The following PEX5L variants were observed in gnomAD, a reference collection of about 807,000 sequenced individuals.
PEX5L encodes the protein PEX5-related protein.
Under a neutral mutation model 84.0 loss-of-function variants are expected in PEX5L, and 30 were observed. The ratio of observed to expected loss-of-function variants is 0.36; its 90% CI spans 0.27 to 0.48. PEX5L has a LOEUF of 0.48. Ranked by LOEUF, PEX5L falls within the 20% of genes least tolerant of loss-of-function variation. The pLI is 0.99. For synonymous variants in PEX5L, 270 were observed against 283.1 expected, an observed-to-expected ratio of 0.95 and a Z score of 0.46; for missense variants, 533 against 754.6, an observed-to-expected ratio of 0.71 and a Z score of 3.44.
intron 8 of PEX5L, among the ~76,000 whole-genome samples, chr3:179,828,157 C>T (rs1388059410): frequency 1.3e-5 from 2 of 152,118 alleles, no homozygotes; most frequent in Non-Finnish European, 2.9e-5. Context: ...CACTGATACC[C>T]ACCCTTCTTT....
At chr3:179,830,774 G>C (rs1732544297) in intron 8 of PEX5L, among the ~76,000 whole-genome samples, 1 of 152,222 alleles carries the variant, frequency 6.6e-6, no homozygotes, top group South Asian at 2.1e-4. Flanking sequence ...AAAACAAAGA[G>C]AGGCTCCCCA....
intron 1 of PEX5L, among the ~76,000 whole-genome samples, chr3:179,999,963 T>A (rs939510990): frequency 6.6e-6 from 1 of 152,148 alleles, no homozygotes; most frequent in Non-Finnish European, 1.5e-5. Context: ...CAGAAGGCCA[T>A]GTATGCTCTG....
chr3:179,813,166 G>A (rs1472027574), intron 10 of PEX5L, among the ~76,000 whole-genome samples: 2 of 152,058 alleles, frequency 1.3e-5, no homozygotes, highest in African/African-American at 2.4e-5. Flanking sequence ...GTCTTTCTCT[G>A]GGGACGTTTT....
At chr3:179,977,554 A>G (rs1444298216) in intron 1 of PEX5L, among the ~76,000 whole-genome samples, 1 of 152,194 alleles carries the variant, frequency 6.6e-6, no homozygotes, top group African/African-American at 2.4e-5. Context: ...TGTGGCAGCC[A>G]AAGAGGCAAT....
At chr3:179,949,353 T>C (rs1278802562) in intron 2 of PEX5L, among the ~76,000 whole-genome samples, 2 of 152,230 alleles carry the variant, frequency 1.3e-5, no homozygotes, top group African/African-American at 2.4e-5. Flanking sequence ...CAAGTTTTTG[T>C]CTTGCCTTTG....
At chr3:179,956,011 C>T (rs9843042) in intron 2 of PEX5L, among the ~76,000 whole-genome samples, 109,670 of 151,994 alleles carry the variant, frequency 0.72, 40,265 homozygotes, top group East Asian at 0.89. Flanking sequence ...TCCTTACAGA[C>T]GATACCATCT....
intron 8 of PEX5L, among the ~76,000 whole-genome samples, chr3:179,849,854 A>G (rs947926906): frequency 2.3e-4 from 35 of 152,222 alleles, no homozygotes; most frequent in Non-Finnish European, 2.1e-4. Flanking sequence ...TTTAAAGTTA[A>G]GGGAATTTTC....
At chr3:179,959,967 C>T (rs1781601269) in intron 2 of PEX5L, among the ~76,000 whole-genome samples, 1 of 152,220 alleles carries the variant, frequency 6.6e-6, no homozygotes, top group African/African-American at 2.4e-5. Flanking sequence ...ATAAATTTCT[C>T]CAAGTAATAG....
At chr3:179,820,028 T>C (rs1271270215) in intron 8 of PEX5L, 52 bp from the exon 9 acceptor site, 2 of 1,610,644 alleles carry the variant, frequency 1.2e-6, no homozygotes, top group Non-Finnish European at 1.7e-6. Context: ...TGCCACATCA[T>C]CTGTGTTTTT....
intron 14 of PEX5L, 22 bp from the exon 15 acceptor site, chr3:179,802,054 T>G (rs1337460027): frequency 6.6e-7 from 1 of 1,523,552 alleles, no homozygotes; most frequent in South Asian, 1.1e-5. Flanking sequence ...GAAAAACATA[T>G]TTTAAAATGA....
Position 179,796,239 on chromosome 3 carries a change from ATTGTTG to A in PEX5L, c.*5583_*5588del, listed in dbSNP as rs34344928. 2.6e-5 allele frequency: 4 copies of A among 151,340 alleles called. No individual in the cohort carries two copies. Among genetic ancestry groups the A allele is most frequent in the African/African-American group, 9.7e-5 (4 of 41,242 alleles). The allele number at this position is 151,340 out of a possible 1,614,324, so 9.4% of individuals were successfully genotyped here. On this transcript the variant is annotated 3_prime_UTR_variant, in exon 15 of 15. Coordinates refer to ENST00000467460, the MANE Select transcript of PEX5L (RefSeq NM_016559.3). Reference sequence around the variant, plus strand: ...TTATAGTTGAGCAAAGAACTGCCTAATTGTTGTTGTTGTTTCCATCTTAATATTATT... The same window carrying A: ...TTATAGTTGAGCAAAGAACTGCCTAATTGTTGTTTCCATCTTAATATTATT...
At position 180,036,875 on chromosome 3, in the gene PEX5L, G is replaced by A; in HGVS notation, c.-276C>T. 1 of 537,682 alleles carries A rather than the reference G, an allele frequency of 1.9e-6. No individual in the cohort carries two copies. Among genetic ancestry groups the A allele is most frequent in the South Asian group, 2.2e-5 (1 of 46,224 alleles). The allele number at this position is 537,682 out of a possible 1,614,324, so 33.3% of individuals were successfully genotyped here. A position where few individuals can be genotyped will look rare whatever the true frequency, so the allele number is the denominator to read the frequency against. The stretch of plus-strand genomic sequence containing the variant: ...TCGGCCAGGCTCTCCTGCAGGCGCG[G>A]GTCCTGCTCGCGGGGCGTCTCTAGA... On this transcript the variant is annotated 5_prime_UTR_variant, in exon 1 of 15. Coordinates refer to ENST00000467460, the MANE Select transcript of PEX5L (RefSeq NM_016559.3).
Position 179,977,745 on chromosome 3 carries a change from G to A in PEX5L, c.22-6080C>T, listed in dbSNP as rs183061641. ...TGTTTAATTTTTCTTAGGTATGGGGGAGATCAATTTTCTGAAGGGAAATTA... is the reference window on the plus strand; with the variant it reads ...TGTTTAATTTTTCTTAGGTATGGGGAAGATCAATTTTCTGAAGGGAAATTA... On this transcript the variant is annotated intron_variant, in intron 1 of 14. Transcript: ENST00000467460. Among the ~76,000 whole-genome samples, 246 of 152,288 alleles carry A rather than the reference G, an allele frequency of 1.6e-3. 3 individuals are homozygous for A. Among genetic ancestry groups the A allele is most frequent in the Middle Eastern group, 6.8e-3 (2 of 294 alleles).
intron 2 of PEX5L, among the ~76,000 whole-genome samples, chr3:179,952,700 C>G (rs1032410270): frequency 3.9e-5 from 6 of 152,164 alleles, no homozygotes; most frequent in African/African-American, 1.4e-4. Flanking sequence ...AGATTCAATG[C>G]TATCCCCATC....
intron 8 of PEX5L, among the ~76,000 whole-genome samples, chr3:179,843,697 T>A (rs1013241338): frequency 5.9e-5 from 9 of 152,374 alleles, no homozygotes; most frequent in Non-Finnish European, 1.3e-4. Flanking sequence ...TACTTTTGCA[T>A]TTCCTTCTAC....
At chr3:179,915,873 A>T (rs192451753) in intron 2 of PEX5L, among the ~76,000 whole-genome samples, 67 of 152,360 alleles carry the variant, frequency 4.4e-4, no homozygotes, top group African/African-American at 1.6e-3. Context: ...TGGGCATCAG[A>T]GCATCCAGTT....
At chr3:179,887,620 A>G (rs1198256794) in intron 4 of PEX5L, 53 bp downstream of exon 4, 3 of 1,136,386 alleles carry the variant, frequency 2.6e-6, no homozygotes, top group Non-Finnish European at 2.7e-6. Flanking sequence ...TGTGCATTTT[A>G]CTATAGTTAA....
At chr3:179,892,584 T>C (rs1355683318) in intron 3 of PEX5L, among the ~76,000 whole-genome samples, 1 of 152,154 alleles carries the variant, frequency 6.6e-6, no homozygotes, top group African/African-American at 2.4e-5. Flanking sequence ...GTGTCCTCAA[T>C]TTCCTACTGG....
At chr3:180,030,161 A>G (rs1214877188) in intron 1 of PEX5L, among the ~76,000 whole-genome samples, 4 of 152,122 alleles carry the variant, frequency 2.6e-5, no homozygotes, top group Non-Finnish European at 5.9e-5. Flanking sequence ...GTCGACTACA[A>G]CCATTTCGAT....
Sources: gnomAD v4.1 joint callset for allele counts (sites outside exome capture counted in the v4.1 genomes callset) on GRCh38, gnomAD v4.1.1 for gene constraint, MANE v1.5 for transcripts, NCBI Gene and HGNC (gene_info 2026-07-23, HGNC 2026-07-21) for gene names.